Variants in PCDHA10 observed in about 807,000 individuals in gnomAD.
PCDHA10 encodes the protein protocadherin alpha-10.
Under a neutral mutation model 61.2 loss-of-function variants are expected in PCDHA10, and 45 were observed. That is an observed-to-expected ratio of 0.74 (90% confidence interval 0.58 to 0.94). The LOEUF (loss-of-function observed/expected upper bound fraction) is 0.94. PCDHA10 is among the 40% of genes least tolerant of loss of function. The pLI is 0.00. For missense variants in PCDHA10, 1,278 were observed against 1,236.2 expected, an observed-to-expected ratio of 1.03 and a Z score of -0.51; for synonymous variants, 602 against 548.8, an observed-to-expected ratio of 1.10 and a Z score of -1.35.
chr5:140,870,493 A>T (rs782514435), intron 1 of PCDHA10: 2 of 1,614,214 alleles, frequency 1.2e-6, no homozygotes, highest in South Asian at 2.2e-5. Context: ...CGTGTTCGTG[A>T]AGGAGAACAA....
intron 1 of PCDHA10, among the ~76,000 whole-genome samples, chr5:140,891,988 A>T (rs1213568167): frequency 6.6e-6 from 1 of 152,216 alleles, no homozygotes. Flanking sequence ...TAAATTACTC[A>T]GTCTGTGGCA....
At chr5:140,883,615 C>T (rs1554178913) in intron 1 of PCDHA10, 6 of 1,613,938 alleles carry the variant, frequency 3.7e-6, no homozygotes, top group African/African-American at 1.3e-5. Context: ...CCGACGTGAA[C>T]GACAACGCGC....
chr5:140,905,396 C>T (rs913640299), intron 1 of PCDHA10, among the ~76,000 whole-genome samples: 1 of 152,080 alleles, frequency 6.6e-6, no homozygotes, highest in Non-Finnish European at 1.5e-5. Flanking sequence ...GGTCTGTGTG[C>T]CTATTTTTAT....
At chr5:140,884,066 G>A in intron 1 of PCDHA10, 1 of 1,613,512 alleles carries the variant, frequency 6.2e-7, no homozygotes, top group South Asian at 1.1e-5. Flanking sequence ...GGTGGACGCC[G>A]ATTCGGGCTA....
intron 1 of PCDHA10, among the ~76,000 whole-genome samples, chr5:140,943,827 A>T (rs1474835023): frequency 2.0e-5 from 3 of 152,208 alleles, no homozygotes; most frequent in Non-Finnish European, 4.4e-5. Flanking sequence ...AAATGAGTTG[A>T]TTGAAGTTGT....
chr5:140,858,550 C>T, intron 1 of PCDHA10, 114 bp downstream of exon 1: 1 of 1,392,416 alleles, frequency 7.2e-7, no homozygotes. Context: ...TCCATTTATG[C>T]TTGAATATTT....
chr5:140,997,614 A>T (rs1355709943), intron 3 of PCDHA10, among the ~76,000 whole-genome samples: 2 of 152,148 alleles, frequency 1.3e-5, no homozygotes, highest in African/African-American at 4.8e-5. Context: ...GCATGACTAT[A>T]TAGAGATTTT....
chr5:140,879,782 G>C (rs1372413289), intron 1 of PCDHA10, among the ~76,000 whole-genome samples: 1 of 152,178 alleles, frequency 6.6e-6, no homozygotes, highest in African/African-American at 2.4e-5. Flanking sequence ...GGAAGAATCT[G>C]GTTTTTGTTT....
At chr5:140,880,369 G>A (rs1055944264) in intron 1 of PCDHA10, among the ~76,000 whole-genome samples, 4 of 152,210 alleles carry the variant, frequency 2.6e-5, no homozygotes, top group African/African-American at 9.7e-5. Context: ...TGAAAACCAT[G>A]AGAGAATAGA....
rs1165097192 is a variant in PCDHA10, at chr5:140,945,230, A to G, written c.2389-33719A>G. Among the ~76,000 whole-genome samples the G allele has an allele frequency of 2.6e-5, 4 of 152,290 alleles. No individual in the cohort carries two copies. In the East Asian group the frequency reaches 7.7e-4, roughly 29 times the overall value. On this transcript the variant is annotated intron_variant, in intron 1 of 3. Transcript: ENST00000307360. ...TATGAGAAAATAAAAATACTTAGGA[A>G]TAAATTTAACCAAGAGGATGAAAGA...
At chr5:140,859,390 C>G (rs911308831) in intron 1 of PCDHA10, 1 of 268,000 alleles carries the variant, frequency 3.7e-6, no homozygotes, top group Non-Finnish European at 6.7e-6. Flanking sequence ...CTCTAGTCAT[C>G]TTAAACAGGG....
At chr5:140,962,546 G>A (rs2095690873) in intron 1 of PCDHA10, among the ~76,000 whole-genome samples, 7 of 152,094 alleles carry the variant, frequency 4.6e-5, no homozygotes, top group Admixed American at 4.6e-4. Flanking sequence ...TAAAAATGTA[G>A]AGGATCTCCC....
rs782403060 is a variant in PCDHA10 at position 140,858,280 on chromosome 5, G to C, written c.2232G>C (p.Gly744=). Residue 744 remains glycine, a synonymous_variant, in exon 1 of 4, where the codon GGG becomes GGC. Coordinates refer to ENST00000307360, the MANE Select transcript of PCDHA10 (RefSeq NM_018901.4). ...KPTLVCSSAV[G]SWSYSQQRRQ... The stretch of plus-strand genomic sequence containing the variant: ...CGCTGGTGTGCTCTAGCGCGGTGGG[G>C]AGCTGGTCTTACTCGCAGCAGAGGC... 5 of 1,597,578 alleles carry C rather than the reference G, an allele frequency of 3.1e-6. No individual in the cohort carries two copies. Among genetic ancestry groups the C allele is most frequent in the Non-Finnish European group, 4.3e-6 (5 of 1,167,254 alleles).
At chr5:140,995,559 A>G (rs2097689300) in intron 3 of PCDHA10, among the ~76,000 whole-genome samples, 1 of 152,242 alleles carries the variant, frequency 6.6e-6, no homozygotes, top group South Asian at 2.1e-4. Context: ...TGTACTGAAT[A>G]ATATGTCAAG....
intron 1 of PCDHA10, among the ~76,000 whole-genome samples, chr5:140,938,922 T>G (rs2092267013): frequency 6.6e-6 from 1 of 151,926 alleles, no homozygotes; most frequent in Non-Finnish European, 1.5e-5. Flanking sequence ...CACAAGAAAT[T>G]GGCTTTTAAC....
chr5:140,896,046 G>A (rs1430238321), intron 1 of PCDHA10, among the ~76,000 whole-genome samples: 2 of 151,866 alleles, frequency 1.3e-5, no homozygotes, highest in East Asian at 1.9e-4. Context: ...CCTGACCTCA[G>A]GTGATCCGCC....
intron 1 of PCDHA10, chr5:140,929,227 G>A (rs141300036): frequency 6.2e-6 from 10 of 1,613,774 alleles, no homozygotes; most frequent in Admixed American, 5.0e-5. Context: ...CAATGCTGCC[G>A]ACCTGCGAAA....
chr5:140,998,005 C>T (rs539275150), intron 3 of PCDHA10, among the ~76,000 whole-genome samples: 300 of 152,282 alleles, frequency 2.0e-3, no homozygotes, highest in Non-Finnish European at 3.8e-3. Context: ...TCTGAGCCTT[C>T]CATCCCCACC....
intron 1 of PCDHA10, among the ~76,000 whole-genome samples, chr5:140,896,506 A>G (rs1231827987): frequency 2.7e-5 from 4 of 150,856 alleles, no homozygotes; most frequent in African/African-American, 9.7e-5. Flanking sequence ...GGGACTGTGC[A>G]GGCACACACC....
Sources: gnomAD v4.1 joint callset for allele counts (sites outside exome capture counted in the v4.1 genomes callset) on GRCh38, gnomAD v4.1.1 for gene constraint, MANE v1.5 for transcripts, NCBI Gene and HGNC (gene_info 2026-07-23, HGNC 2026-07-21) for gene names.